Variants in CFAP144 observed in about 807,000 individuals in gnomAD.
The protein encoded by CFAP144 is cilia- and flagella-associated protein 144.
chr1:43,151,444 G>A, the CFAP144 span, among the ~76,000 whole-genome samples: 2 of 152,214 alleles, frequency 1.3e-5, no homozygotes, highest in African/African-American at 4.8e-5. Flanking sequence ...GACCATGACT[G>A]ATGTGAGAAC....
At chr1:43,146,260 A>G in the CFAP144 span, among the ~76,000 whole-genome samples, 1 of 152,244 alleles carries the variant, frequency 6.6e-6, no homozygotes, top group Non-Finnish European at 1.5e-5. Context: ...TAATTTTTAT[A>G]TTCAAACGTT....
the CFAP144 span, among the ~76,000 whole-genome samples, chr1:43,149,275 C>T: frequency 6.6e-6 from 1 of 152,214 alleles, no homozygotes. Context: ...TCCTCTCCCC[C>T]ACTTTACCCT....
chr1:43,145,411 C>G, the CFAP144 span: 3 of 809,444 alleles, frequency 3.7e-6, no homozygotes, highest in Non-Finnish European at 6.2e-6. Flanking sequence ...TTCCTTTGGT[C>G]TGGTTCCTCC....
the CFAP144 span, among the ~76,000 whole-genome samples, chr1:43,154,273 TTATATAAAATAAAAA>T: frequency 3.4e-5 from 5 of 145,016 alleles, no homozygotes; most frequent in African/African-American, 7.5e-5. Context: ...TTATATAAAA[TTATATAAAATAAAAA>T]TATATAAAAT....
the CFAP144 span, among the ~76,000 whole-genome samples, chr1:43,154,527 G>T: frequency 6.6e-6 from 1 of 151,692 alleles, no homozygotes; most frequent in African/African-American, 2.4e-5. Context: ...CAAAGAGAAA[G>T]AGGAGGTGGG....
At chr1:43,145,261 G>C in the CFAP144 span, 1 of 1,550,044 alleles carries the variant, frequency 6.5e-7, no homozygotes, top group Non-Finnish European at 8.7e-7. Flanking sequence ...GAAGAGGAGA[G>C]TGAAGAGTGG....
the CFAP144 span, chr1:43,152,609 G>T: frequency 2.1e-6 from 1 of 474,328 alleles, no homozygotes; most frequent in Non-Finnish European, 3.8e-6. Context: ...AGCACTCTAT[G>T]CCCAGCGCCC....
chr1:43,143,521 A>G, the CFAP144 span, among the ~76,000 whole-genome samples: 1 of 152,222 alleles, frequency 6.6e-6, no homozygotes, highest in African/African-American at 2.4e-5. Context: ...ATGGTGATCA[A>G]AGAAACCAGG....
the CFAP144 span, among the ~76,000 whole-genome samples, chr1:43,143,267 T>G: frequency 6.6e-6 from 1 of 152,106 alleles, no homozygotes; most frequent in Non-Finnish European, 1.5e-5. Context: ...CTACCTGAAA[T>G]ACACAGGAAG....
At chr1:43,152,781 C>T in the CFAP144 span, 1 of 1,541,050 alleles carries the variant, frequency 6.5e-7, no homozygotes, top group Admixed American at 1.9e-5. Flanking sequence ...GGACCAACCT[C>T]TGGTCCCAAA....
chr1:43,152,980 G>C, the CFAP144 span: 2 of 1,571,920 alleles, frequency 1.3e-6, no homozygotes, highest in South Asian at 2.3e-5. Context: ...CAGCAGCAAT[G>C]TAAGTGGTGA....
At chr1:43,145,340 C>G in the CFAP144 span, 71 of 1,436,060 alleles carry the variant, frequency 4.9e-5, 2 homozygotes, top group South Asian at 7.7e-4. Context: ...GAGTGCAACC[C>G]CTGAGAATCA....
At chr1:43,148,713 C>G in the CFAP144 span, among the ~76,000 whole-genome samples, 5 of 152,180 alleles carry the variant, frequency 3.3e-5, no homozygotes, top group African/African-American at 1.2e-4. Context: ...CCAGAATACC[C>G]TGTCTCTGCA....
At chr1:43,151,692 T>C in the CFAP144 span, among the ~76,000 whole-genome samples, 2 of 152,198 alleles carry the variant, frequency 1.3e-5, no homozygotes, top group African/African-American at 4.8e-5. Context: ...TGATCCCTCT[T>C]GGAAAGCTTT....
the CFAP144 span, among the ~76,000 whole-genome samples, chr1:43,154,842 G>A: frequency 6.6e-6 from 1 of 151,858 alleles, no homozygotes; most frequent in Non-Finnish European, 1.5e-5. Flanking sequence ...AAGGAACGAG[G>A]TGGGGGTAAG....
At chr1:43,156,164 A>C in the CFAP144 span, 1 of 1,576,214 alleles carries the variant, frequency 6.3e-7, no homozygotes. Context: ...GTCCTCCTGC[A>C]TCCTCACAGG....
chr1:43,153,198 C>G, the CFAP144 span, among the ~76,000 whole-genome samples: 1 of 152,266 alleles, frequency 6.6e-6, no homozygotes, highest in East Asian at 1.9e-4. Context: ...ATGGTAAACA[C>G]TGTGTGTTTA....
At chr1:43,147,175 G>A in the CFAP144 span, among the ~76,000 whole-genome samples, 5 of 152,312 alleles carry the variant, frequency 3.3e-5, no homozygotes, top group South Asian at 2.1e-4. Context: ...ATTATTTAAG[G>A]TATCTAGCAG....
the CFAP144 span, among the ~76,000 whole-genome samples, chr1:43,155,342 T>G: frequency 6.6e-6 from 1 of 152,222 alleles, no homozygotes; most frequent in Non-Finnish European, 1.5e-5. Context: ...TGTGGAGATG[T>G]TGCATCTTTG....
Sources: gnomAD v4.1 joint callset for allele counts (sites outside exome capture counted in the v4.1 genomes callset) on GRCh38, gnomAD v4.1.1 for gene constraint, MANE v1.5 for transcripts, NCBI Gene and HGNC (gene_info 2026-07-23, HGNC 2026-07-21) for gene names.